Variants in RHOBTB1 observed in about 807,000 individuals in gnomAD.
The protein encoded by RHOBTB1 is rho-related BTB domain-containing protein 1.
In RHOBTB1, 40 loss-of-function variants were observed where a neutral mutation model predicts 71.6. That is an observed-to-expected ratio of 0.56 (90% CI 0.43 to 0.73). The LOEUF (loss-of-function observed/expected upper bound fraction) is 0.73. Among genes scored for constraint, RHOBTB1 ranks in the 30% least tolerant of loss-of-function variants. The pLI is 0.00. For synonymous variants in RHOBTB1, 319 were observed against 334.9 expected (o/e 0.95, Z 0.52); for missense variants, 797 against 894.0 (o/e 0.89, Z 1.38).
chr10:60,985,248 C>T (rs533172885), intron 2 of RHOBTB1, among the ~76,000 whole-genome samples: 1 of 152,126 alleles, frequency 6.6e-6, no homozygotes, highest in African/African-American at 2.4e-5. Context: ...GTAAACTGTC[C>T]ATTTCAAATA....
At position 60,907,657 on chromosome 10, in the gene RHOBTB1, T is replaced by C. The variant is rs1230433084; in HGVS notation, c.296+3230A>G. Among the ~76,000 whole-genome samples the C allele has an allele frequency of 2.6e-5, 4 of 152,222 alleles. No homozygotes were observed. In the East Asian group the frequency reaches 5.8e-4, roughly 22 times the overall value. On this transcript the variant is annotated intron_variant, in intron 4 of 10. Coordinates refer to ENST00000337910, the MANE Select transcript of RHOBTB1 (RefSeq NM_014836.5). Reference sequence around the variant, plus strand: ...GAAGGGCTCCTATCAATACTTTTTTTTGGATAGATGGATGATTTCCCTTCC... The same window carrying C: ...GAAGGGCTCCTATCAATACTTTTTTCTGGATAGATGGATGATTTCCCTTCC...
At chr10:60,872,635 C>T (rs2080853707) in intron 9 of RHOBTB1, among the ~76,000 whole-genome samples, 1 of 150,020 alleles carries the variant, frequency 6.7e-6, no homozygotes, top group African/African-American at 2.4e-5. Flanking sequence ...CAGCAGAAAG[C>T]AGCGATGTCA....
At chr10:60,866,061 A>G (rs1165270253), downstream of RHOBTB1, among the ~76,000 whole-genome samples, 1 of 152,144 alleles carries the variant, frequency 6.6e-6, no homozygotes, top group East Asian at 1.9e-4. Flanking sequence ...CAAACTCCTG[A>G]CCTCAAGTGA....
rs748819845 is a variant in RHOBTB1, at chr10:60,889,174, C to G, written c.494G>C (p.Arg165Thr). The G allele has an allele frequency of 1.2e-6, 2 of 1,611,188 alleles. No homozygotes were observed. Among genetic ancestry groups the G allele is most frequent in the East Asian group, 2.2e-5 (1 of 44,862 alleles). Residue 165 changes from arginine (R) to threonine (T), a missense_variant, in exon 6 of 11, where the codon AGA (arginine) becomes ACA (threonine). Arg to Thr is a moderately conservative substitution (Grantham distance 71). This residue lies in a region of RHOBTB1 where 658 missense variants were observed against 681.5 expected (regional missense o/e 0.97). Coordinates refer to ENST00000337910, the MANE Select transcript of RHOBTB1 (RefSeq NM_014836.5). Reference protein sequence around the residue: ...ARRPLARPIKRGDILPPEKGR... With the variant: ...ARRPLARPIKTGDILPPEKGR... ...TTTTTCTGGGGGCAAAATATCCCCT[C>G]TCTTTATGGGCCTGAAATAGAACAT... is the stretch of plus-strand genomic sequence containing the variant.
chr10:60,985,482 G>T (rs1443461360), intron 2 of RHOBTB1, among the ~76,000 whole-genome samples: 4 of 152,184 alleles, frequency 2.6e-5, no homozygotes, highest in Non-Finnish European at 5.9e-5. Context: ...AATCTTCCTT[G>T]TATATGGCCA....
At chr10:60,982,663 T>C (rs1343992119) in intron 2 of RHOBTB1, among the ~76,000 whole-genome samples, 1 of 152,152 alleles carries the variant, frequency 6.6e-6, no homozygotes, top group Non-Finnish European at 1.5e-5. Flanking sequence ...TTTCCTCCTA[T>C]TGGGAACCTC....
chr10:60,996,917 G>C (rs1208874405), intron 1 of RHOBTB1, among the ~76,000 whole-genome samples: 1 of 152,132 alleles, frequency 6.6e-6, no homozygotes. Context: ...ACCATCTGGA[G>C]AACAAGGGAC....
At chr10:60,958,512 CA>C (rs1051620119) in intron 2 of RHOBTB1, among the ~76,000 whole-genome samples, 7 of 152,066 alleles carry the variant, frequency 4.6e-5, no homozygotes, top group Admixed American at 2.0e-4. Context: ...ATTTCCAAAA[CA>C]TTTTTTTTCA....
At chr10:60,993,433 A>G (rs966753379) in intron 1 of RHOBTB1, among the ~76,000 whole-genome samples, 3 of 152,154 alleles carry the variant, frequency 2.0e-5, no homozygotes, top group African/African-American at 7.2e-5. Context: ...TCTATTATAT[A>G]CATATGCATA....
chr10:60,903,986 A>T (rs1449745768), intron 4 of RHOBTB1, among the ~76,000 whole-genome samples: 1 of 151,646 alleles, frequency 6.6e-6, no homozygotes, highest in Non-Finnish European at 1.5e-5. Context: ...TTTTTGAGAC[A>T]GGGTCTTGCT....
chr10:60,962,607 G>C (rs1342601191), intron 2 of RHOBTB1, among the ~76,000 whole-genome samples: 1 of 151,970 alleles, frequency 6.6e-6, no homozygotes, highest in African/African-American at 2.4e-5. Flanking sequence ...AATTTTCTAG[G>C]TCTTTATCCT....
At chr10:60,890,357 CA>C (rs2081856986) in intron 5 of RHOBTB1, among the ~76,000 whole-genome samples, 1 of 152,084 alleles carries the variant, frequency 6.6e-6, no homozygotes, top group Non-Finnish European at 1.5e-5. Flanking sequence ...TTACATAACA[CA>C]ACTATGACCT....
At chr10:60,929,874 T>C (rs1384392723) in intron 2 of RHOBTB1, among the ~76,000 whole-genome samples, 1 of 152,126 alleles carries the variant, frequency 6.6e-6, no homozygotes, top group Admixed American at 6.5e-5. Context: ...AATTAATAAA[T>C]ATCCCACATT....
At chr10:60,965,876 T>C (rs928310312) in intron 2 of RHOBTB1, among the ~76,000 whole-genome samples, 3 of 152,100 alleles carry the variant, frequency 2.0e-5, no homozygotes, top group Admixed American at 2.0e-4. Flanking sequence ...AATTTCATTG[T>C]TCGAAAATTT....
the RHOBTB1 span, among the ~76,000 whole-genome samples, chr10:60,863,215 T>C: frequency 1.3e-5 from 2 of 152,290 alleles, no homozygotes; most frequent in East Asian, 3.9e-4. Context: ...TTTGCACAAT[T>C]TAGAGGAAAT....
chr10:60,880,566 A>G (rs1330960082), intron 7 of RHOBTB1, among the ~76,000 whole-genome samples: 1 of 152,216 alleles, frequency 6.6e-6, no homozygotes, highest in African/African-American at 2.4e-5. Context: ...AATAAGTTAC[A>G]TAAGTCATTA....
intron 1 of RHOBTB1, among the ~76,000 whole-genome samples, chr10:60,943,505 G>A (rs1023871630): frequency 1.3e-5 from 2 of 152,116 alleles, no homozygotes; most frequent in Non-Finnish European, 1.5e-5. Context: ...GGGAGGGGAG[G>A]GGAGCGACTG....
intron 2 of RHOBTB1, among the ~76,000 whole-genome samples, chr10:60,976,323 A>G (rs2134739244): frequency 6.6e-6 from 1 of 151,512 alleles, no homozygotes; most frequent in Admixed American, 6.6e-5. Context: ...TATATATATT[A>G]TATATATATT....
chr10:60,985,465 A>G (rs2086631357), intron 2 of RHOBTB1, among the ~76,000 whole-genome samples: 1 of 152,216 alleles, frequency 6.6e-6, no homozygotes, highest in African/African-American at 2.4e-5. Context: ...CAATCTGGTC[A>G]TTTCTAAATC....
Sources: allele counts gnomAD v4.1 joint callset (sites outside exome capture counted in the v4.1 genomes callset), GRCh38; gene constraint gnomAD v4.1.1; regional missense constraint gnomAD v4.1.1; transcripts MANE v1.5; gene names NCBI Gene and HGNC (gene_info 2026-07-23, HGNC 2026-07-21).